The following C16orf78 variants were observed in gnomAD, a reference collection of about 807,000 sequenced individuals.
The protein encoded by C16orf78 is uncharacterized protein C16orf78.
C16orf78 carries 19 observed loss-of-function variants against 27.3 expected under a neutral mutation model. That is an observed-to-expected ratio of 0.70 (90% CI 0.49 to 1.02). C16orf78 has a LOEUF of 1.02. C16orf78 is among the 50% of genes least tolerant of loss of function. C16orf78 has a pLI of 0.00. For synonymous variants in C16orf78, 130 were observed against 116.1 expected, an observed-to-expected ratio of 1.12 and a Z score of -0.77; for missense variants, 339 against 337.0, an observed-to-expected ratio of 1.01 and a Z score of -0.05.
intron 3 of C16orf78, among the ~76,000 whole-genome samples, chr16:49,383,519 C>A (rs2151612495): frequency 6.6e-6 from 1 of 152,332 alleles, no homozygotes; most frequent in East Asian, 1.9e-4. Flanking sequence ...CCTTCATGAC[C>A]AGTTACTGGG....
rs547596416 is a variant in C16orf78 at position 49,373,892 on chromosome 16, G to T, written c.-48G>T. The T allele has an allele frequency of 2.6e-5, 42 of 1,608,224 alleles. No homozygotes were observed. The African/African-American group carries it at 5.3e-4, about 20-fold the overall frequency. The stretch of plus-strand genomic sequence containing the variant: ...GTCCAGACAAAGGGATCGAAAGAGT[G>T]AGACAGTGCCAGCCACCTCCCACCC... On this transcript the variant is annotated 5_prime_UTR_variant, in exon 1 of 5. An upstream open reading frame in the 5' UTR loses its in-frame stop. Transcript: ENST00000299191.
intron 3 of C16orf78, among the ~76,000 whole-genome samples, chr16:49,394,172 C>T (rs942441918): frequency 6.6e-6 from 1 of 152,064 alleles, no homozygotes; most frequent in Non-Finnish European, 1.5e-5. Context: ...TCAACTATTA[C>T]AGACTGTATA....
chr16:49,396,446 G>T lies in C16orf78; in HGVS notation c.418G>T (p.Asp140Tyr). The T allele has an allele frequency of 6.2e-7, 1 of 1,614,038 alleles. No individual in the cohort carries two copies. The highest frequency in any genetic ancestry group is 8.5e-7 in the Non-Finnish European group (1 of 1,180,034). ...AGATACAGACATCAAGGATGCAGTC[G>T]ACCCAGAGTCCACTCAGCGGCCAAA... ...KSDTDIKDAV[D>Y]PESTQRPNPF... is the part of the protein sequence containing the mutation. The change falls in exon 4 of 5, where the codon GAC becomes TAC. Residue 140 changes from aspartate to tyrosine, a missense_variant. Asp to Tyr is a radical substitution (Grantham distance 160). Coordinates refer to ENST00000299191, the MANE Select transcript of C16orf78 (RefSeq NM_144602.4).
At chr16:49,388,363 T>A (rs1024052871) in intron 3 of C16orf78, among the ~76,000 whole-genome samples, 1 of 152,190 alleles carries the variant, frequency 6.6e-6, no homozygotes, top group Non-Finnish European at 1.5e-5. Flanking sequence ...TAAATTTCCC[T>A]CTGAACACTG....
intron 3 of C16orf78, among the ~76,000 whole-genome samples, chr16:49,392,453 A>G (rs1037173882): frequency 7.9e-5 from 12 of 152,354 alleles, no homozygotes; most frequent in Admixed American, 4.6e-4. Context: ...AGAAAAGTTT[A>G]TGACAAAAGG....
chr16:49,382,350 C>G (rs1965296184), intron 3 of C16orf78, among the ~76,000 whole-genome samples: 1 of 151,830 alleles, frequency 6.6e-6, no homozygotes, highest in Non-Finnish European at 1.5e-5. Context: ...ACCAGCATGG[C>G]ACATGTATAC....
rs558450031 is a variant in C16orf78, at chr16:49,396,326, A to G, written c.395-97A>G. The stretch of plus-strand genomic sequence containing the variant: ...ATATCTCAGAACAGGTACGGTTTGA[A>G]GTCCATGCATTCCTCCAGCCTTCAT... On this transcript the variant is annotated intron_variant, in intron 3 of 4. Transcript: ENST00000299191. 2.3e-5 allele frequency: 32 copies of G among 1,381,250 alleles called. No individual in the cohort carries two copies. The Middle Eastern group carries it at 8.4e-4, about 36-fold the overall frequency. 85.6% of individuals were successfully genotyped at this position (1,381,250 alleles called of 1,614,324 possible).
At chr16:49,392,388 T>A (rs1965424170) in intron 3 of C16orf78, among the ~76,000 whole-genome samples, 1 of 152,144 alleles carries the variant, frequency 6.6e-6, no homozygotes, top group Non-Finnish European at 1.5e-5. Flanking sequence ...AGAAGCAACA[T>A]ATTAGGAAGT....
intron 3 of C16orf78, among the ~76,000 whole-genome samples, chr16:49,382,799 C>T (rs1365584951): frequency 6.6e-6 from 1 of 152,158 alleles, no homozygotes; most frequent in African/African-American, 2.4e-5. Context: ...TATCTCTTTC[C>T]TCTTCTCTTT....
chr16:49,396,956 G>A (rs537432675), intron 4 of C16orf78, among the ~76,000 whole-genome samples: 127 of 152,270 alleles, frequency 8.3e-4, no homozygotes, highest in Admixed American at 1.6e-3. Flanking sequence ...CAATATTTCC[G>A]TTTGTTTCAA....
intron 3 of C16orf78, among the ~76,000 whole-genome samples, chr16:49,383,460 T>A (rs1965311696): frequency 6.6e-6 from 1 of 152,230 alleles, no homozygotes; most frequent in Non-Finnish European, 1.5e-5. Context: ...CCTATCTCAA[T>A]GTGGAAGTTG....
chr16:49,381,390 A>T (rs1452620931), intron 3 of C16orf78, among the ~76,000 whole-genome samples: 1 of 152,118 alleles, frequency 6.6e-6, no homozygotes, highest in Non-Finnish European at 1.5e-5. Flanking sequence ...ATTCTCTTTG[A>T]AGCAATTGTG....
chr16:49,394,020 A>G (rs1235765735), intron 3 of C16orf78, among the ~76,000 whole-genome samples: 1 of 152,168 alleles, frequency 6.6e-6, no homozygotes, highest in Non-Finnish European at 1.5e-5. Context: ...TTGGTACAAT[A>G]TAGAGCAGAA....
chr16:49,396,710 T>G, intron 4 of C16orf78, 32 bp downstream of exon 4: 1 of 1,594,250 alleles, frequency 6.3e-7, no homozygotes, highest in Non-Finnish European at 8.5e-7. Context: ...GCAGATGGGG[T>G]GGGGTCCTGG....
chr16:49,381,797 C>A (rs1336489136), intron 3 of C16orf78, among the ~76,000 whole-genome samples: 1 of 152,012 alleles, frequency 6.6e-6, no homozygotes, highest in African/African-American at 2.4e-5. Flanking sequence ...GAAATAGGAA[C>A]ACTTTTACAC....
chr16:49,390,083 T>C (rs942267675), intron 3 of C16orf78, among the ~76,000 whole-genome samples: 13 of 152,228 alleles, frequency 8.5e-5, no homozygotes. Context: ...GTTGCTGTAC[T>C]GTCCTCTAGC....
chr16:49,399,263 C>A lies in C16orf78; in HGVS notation c.783C>A (p.Pro261=). 1.9e-6 allele frequency: 3 copies of A among 1,614,150 alleles called. No individual in the cohort carries two copies. The highest frequency in any genetic ancestry group is 1.7e-6 in the Non-Finnish European group (2 of 1,180,020). Residue 261 remains proline (P), a synonymous_variant, in exon 5 of 5, where the codon CCC becomes CCA. Coordinates refer to ENST00000299191, the MANE Select transcript of C16orf78 (RefSeq NM_144602.4). ...IDAKKVFTGI[P]SMAL ...CTAAAAAGGTGTTCACCGGAATACCCAGCATGGCCCTCTAAATAGCTCCTC... is the reference window on the plus strand; with the variant it reads ...CTAAAAAGGTGTTCACCGGAATACCAAGCATGGCCCTCTAAATAGCTCCTC...
Position 49,373,881 on chromosome 16 carries a change from A to T in C16orf78, c.-59A>T. ...CAGGCCATCAAGTCCAGACAAAGGG[A>T]TCGAAAGAGTGAGACAGTGCCAGCC... On this transcript the variant is annotated 5_prime_UTR_variant, in exon 1 of 5. Coordinates refer to ENST00000299191, the MANE Select transcript of C16orf78 (RefSeq NM_144602.4). 6.3e-7 allele frequency: 1 copy of T among 1,596,676 alleles called. No homozygotes were observed. The highest frequency in any genetic ancestry group is 8.6e-7 in the Non-Finnish European group (1 of 1,169,318).
At chr16:49,386,956 A>G (rs1032401909) in intron 3 of C16orf78, among the ~76,000 whole-genome samples, 1 of 152,212 alleles carries the variant, frequency 6.6e-6, no homozygotes, top group African/African-American at 2.4e-5. Flanking sequence ...CCTTGGGTAT[A>G]TACCTAGTCA....
Sources: allele counts gnomAD v4.1 joint callset (sites outside exome capture counted in the v4.1 genomes callset), GRCh38; gene constraint gnomAD v4.1.1; transcripts MANE v1.5; gene names NCBI Gene and HGNC (gene_info 2026-07-23, HGNC 2026-07-21).